SCN8A: variants seen among roughly 807,000 people sequenced by gnomAD.
SCN8A encodes the protein sodium voltage-gated channel alpha subunit 8, also known as sodium channel protein type 8 subunit alpha.
In SCN8A, 30 loss-of-function variants were observed where a neutral mutation model predicts 184.1. The ratio of observed to expected loss-of-function variants is 0.16; its 90% CI spans 0.12 to 0.22. SCN8A has a LOEUF of 0.22. Among genes scored for constraint, SCN8A ranks in the 10% least tolerant of loss-of-function variants. SCN8A has a pLI of 1.00. For missense variants in SCN8A, 1,057 were observed against 2,498.9 expected (o/e 0.42, Z 12.30); for synonymous variants, 852 against 907.0 (o/e 0.94, Z 1.09).
chr12:51,616,100 C>T (rs1049315107), intron 1 of SCN8A, among the ~76,000 whole-genome samples: 1 of 152,144 alleles, frequency 6.6e-6, no homozygotes, highest in Non-Finnish European at 1.5e-5. Flanking sequence ...GTATTTACCA[C>T]TTCTATTGCT....
chr12:51,713,475 A>G (rs1346075016), intron 11 of SCN8A: 2 of 770,326 alleles, frequency 2.6e-6, no homozygotes, highest in Admixed American at 3.4e-5. Context: ...CTGTAGTTTC[A>G]AAGTTCAGAC....
chr12:51,650,849 CAG>C (rs999675204), intron 1 of SCN8A, among the ~76,000 whole-genome samples: 2 of 152,142 alleles, frequency 1.3e-5, no homozygotes, highest in East Asian at 1.9e-4. Flanking sequence ...AGTGGGAAAT[CAG>C]GGGTCTCATA....
rs1938952180 is a variant in SCN8A at position 51,812,725 on chromosome 12, T to C, written c.*5296T>C. ...GTTCCCTGTTCTGTTTATGCGGAAA[T>C]GGCAGAAATGCTTGAGAAATGAGAA... On this transcript the variant is annotated 3_prime_UTR_variant, in exon 27 of 27. Coordinates refer to ENST00000627620, the MANE Select transcript of SCN8A (RefSeq NM_001330260.2). 1 of 152,270 alleles carries C rather than the reference T, an allele frequency of 6.6e-6. No individual in the cohort carries two copies. 9.4% of individuals were successfully genotyped at this position (152,270 alleles called of 1,614,324 possible).
Position 51,721,081 on chromosome 12 carries a change from T to TTATATATATATATATA in SCN8A, c.1636-454_1636-439dup, listed in dbSNP as rs58356368. Among the ~76,000 whole-genome samples the TTATATATATATATATA allele has an allele frequency of 3.2e-3, 281 of 86,734 alleles. 4 individuals are homozygous for TTATATATATATATATA. Among genetic ancestry groups the TTATATATATATATATA allele is most frequent in the African/African-American group, 9.2e-3 (197 of 21,446 alleles). 56.9% of individuals were successfully genotyped at this position (86,734 alleles called of 152,430 possible). A position where few individuals can be genotyped will look rare whatever the true frequency, so the allele number is the denominator to read the frequency against. On this transcript the variant is annotated intron_variant, in intron 11 of 26. Coordinates refer to ENST00000627620, the MANE Select transcript of SCN8A (RefSeq NM_001330260.2). ...AAACTCCATCTCAAAAAAAAAAAAA[T>TTATATATATATATATA]TATATATATATATATATATATATAT... is the stretch of plus-strand genomic sequence containing the variant.
rs141658400 is a variant in SCN8A at position 51,755,945 on chromosome 12, G to A, written c.2370+4352G>A. Among the ~76,000 whole-genome samples, 114 of 151,664 alleles carry A rather than the reference G, an allele frequency of 7.5e-4. No individual in the cohort carries two copies. The East Asian group carries it at 0.016, about 22-fold the overall frequency. Reference sequence around the variant, plus strand: ...CCTCCTCACCCTGTATAGGCTCTGGGTGCCCCCCACCCCTTCAGCACCCGA... The same window carrying A: ...CCTCCTCACCCTGTATAGGCTCTGGATGCCCCCCACCCCTTCAGCACCCGA... On this transcript the variant is annotated intron_variant, in intron 14 of 26. Transcript: ENST00000627620.
At chr12:51,628,637 T>C (rs1490995816) in intron 1 of SCN8A, among the ~76,000 whole-genome samples, 4 of 152,138 alleles carry the variant, frequency 2.6e-5, no homozygotes, top group Admixed American at 1.3e-4. Context: ...AGGTGACTTA[T>C]AGAGACTGTT....
At chr12:51,644,684 G>A (rs1268668442) in intron 1 of SCN8A, among the ~76,000 whole-genome samples, 1 of 151,834 alleles carries the variant, frequency 6.6e-6, no homozygotes, top group Non-Finnish European at 1.5e-5. Flanking sequence ...GAGCGTCTCC[G>A]CCTGGCCGCC....
At chr12:51,684,893 A>G (rs1035820694) in intron 3 of SCN8A, among the ~76,000 whole-genome samples, 2 of 152,202 alleles carry the variant, frequency 1.3e-5, no homozygotes, top group Non-Finnish European at 2.9e-5. Flanking sequence ...CACCTTATTA[A>G]CATATGAGAG....
rs1169917584 is a variant in SCN8A, at chr12:51,806,439, G to T, written c.4953G>T (p.Leu1651=). The T allele has an allele frequency of 2.5e-6, 4 of 1,614,064 alleles. No individual in the cohort carries two copies. In the African/African-American group the frequency reaches 5.3e-5, roughly 22 times the overall value. Residue 1651 remains leucine, a synonymous_variant, in exon 27 of 27, where the codon CTG becomes CTT. Coordinates refer to ENST00000627620, the MANE Select transcript of SCN8A (RefSeq NM_001330260.2). The surrounding 1 kb of genome is among the most constrained non-coding windows in gnomAD (Gnocchi z 8.7). ...LFALMMSLPA[L]FNIGLLLFLV... is the part of the protein sequence containing the mutation. ...CCTTAATGATGTCCTTGCCTGCCCT[G>T]TTCAACATCGGCCTTCTGCTCTTCC...
intron 6 of SCN8A, among the ~76,000 whole-genome samples, chr12:51,693,747 G>A (rs1941548782): frequency 6.6e-6 from 1 of 152,122 alleles, no homozygotes; most frequent in African/African-American, 2.4e-5. Context: ...CTGAACCCAA[G>A]CCTAACTCTG....
At chr12:51,727,920 A>G (rs1336661454) in intron 12 of SCN8A, among the ~76,000 whole-genome samples, 3 of 152,148 alleles carry the variant, frequency 2.0e-5, no homozygotes, top group Non-Finnish European at 4.4e-5. Flanking sequence ...ACTGTACTCC[A>G]GTGTGGGTGA....
At chr12:51,634,752 G>T (rs1395088369) in intron 1 of SCN8A, among the ~76,000 whole-genome samples, 1 of 151,216 alleles carries the variant, frequency 6.6e-6, no homozygotes, top group Non-Finnish European at 1.5e-5. Flanking sequence ...GGGTTCAAGC[G>T]ATTCTCTGGC....
rs530351787 is a variant in SCN8A, at chr12:51,807,084, G to A, written c.5598G>A (p.Arg1866=). Residue 1866 remains arginine (R), a synonymous_variant, in exon 27 of 27, where the codon CGG becomes CGA. Coordinates refer to ENST00000627620, the MANE Select transcript of SCN8A (RefSeq NM_001330260.2). The surrounding 1 kb of genome is among the most constrained non-coding windows in gnomAD (Gnocchi z 4.5). ...ATAGCGGGGAGTTGGACATCCTGCG[G>A]CAGCAGATGGAAGAGCGGTTCGTGG... is the stretch of plus-strand genomic sequence containing the variant. The part of the protein sequence containing the change: ...LGDSGELDIL[R]QQMEERFVAS... 1.9e-6 allele frequency: 3 copies of A among 1,614,012 alleles called. No homozygotes were observed. Among genetic ancestry groups the A allele is most frequent in the South Asian group, 1.1e-5 (1 of 91,080 alleles).
rs545621709 is a variant in SCN8A, at chr12:51,762,580, T to C, written c.2448T>C (p.Gly816=). Residue 816 remains glycine (G), a synonymous_variant, in exon 15 of 27, where the codon GGT becomes GGC. Transcript: ENST00000627620. ...ATCCCTACTATTATTTCCAAGAAGG[T>C]TGGAACATTTTTGACGGATTTATTG... is the stretch of plus-strand genomic sequence containing the variant. ...AMDPYYYFQE[G]WNIFDGFIVS... 1.2e-5 allele frequency: 20 copies of C among 1,613,436 alleles called. No individual in the cohort carries two copies. Among genetic ancestry groups the C allele is most frequent in the East Asian group, 8.9e-5 (4 of 44,874 alleles).
At chr12:51,780,600 T>TC in intron 20 of SCN8A, 49 bp from the exon 21 acceptor site, 2 of 426,502 alleles carry the variant, frequency 4.7e-6, no homozygotes, top group East Asian at 6.8e-5. Context: ...TTTTTTTTTT[T>TC]TTTTGGTTAC....
chr12:51,762,342 G>T (rs1040032819), intron 14 of SCN8A, among the ~76,000 whole-genome samples, 161 bp from the exon 15 acceptor site: 1 of 152,178 alleles, frequency 6.6e-6, no homozygotes, highest in Non-Finnish European at 1.5e-5. Context: ...CCTGCATCAG[G>T]TGGGGTGCTC....
At chr12:51,767,624 A>C (rs1032136106) in intron 16 of SCN8A, among the ~76,000 whole-genome samples, 18 of 152,296 alleles carry the variant, frequency 1.2e-4, no homozygotes, top group Admixed American at 3.3e-4. Flanking sequence ...TTTCACTCAC[A>C]AAAAAAGGCC....
At chr12:51,642,226 CTCT>C (rs985150832) in intron 1 of SCN8A, among the ~76,000 whole-genome samples, 35 of 152,282 alleles carry the variant, frequency 2.3e-4, no homozygotes, top group African/African-American at 5.8e-4. Context: ...AAGGAATGAT[CTCT>C]TCTTAGAAAA....
intron 1 of SCN8A, among the ~76,000 whole-genome samples, chr12:51,650,988 A>G (rs10783464): frequency 1 from 152,357 of 152,368 alleles, 76,173 homozygotes; most frequent in Non-Finnish European, 1. Flanking sequence ...ATGAAGGGAT[A>G]GGCCGAATTA....
Sources: gnomAD v4.1 joint callset for allele counts (sites outside exome capture counted in the v4.1 genomes callset) on GRCh38, gnomAD v4.1.1 for gene constraint, Gnocchi (gnomAD v3.1) non-coding constraint, MANE v1.5 for transcripts, NCBI Gene and HGNC (gene_info 2026-07-23, HGNC 2026-07-21) for gene names.